The following PRUNE2 variants were observed in gnomAD, a reference collection of about 807,000 sequenced individuals.
The protein encoded by PRUNE2 is protein prune homolog 2.
A neutral mutation model predicts 252.0 loss-of-function variants in PRUNE2; 164 were observed. That is an observed-to-expected ratio of 0.65 (90% CI 0.57 to 0.74). The LOEUF (loss-of-function observed/expected upper bound fraction) is 0.74, where lower values mean the gene tolerates loss of function less well. PRUNE2 is among the 30% of genes least tolerant of loss of function. The probability of loss-of-function intolerance (pLI) is 0.00; values close to 1 mark genes in which losing one functional copy is unlikely to be tolerated. For synonymous variants in PRUNE2, 1,292 were observed against 1,350.2 expected (o/e 0.96, Z 0.94); for missense variants, 3,495 against 3,711.0 (o/e 0.94, Z 1.51).
intron 6 of PRUNE2, among the ~76,000 whole-genome samples, chr9:76,753,895 G>A (rs554065710): frequency 2.9e-4 from 43 of 149,116 alleles, no homozygotes; most frequent in African/African-American, 9.2e-4. Flanking sequence ...TCCAGCCTGG[G>A]TGACTGAGCA....
chr9:76,735,766 G>A (rs909503893), intron 6 of PRUNE2, among the ~76,000 whole-genome samples: 2 of 152,128 alleles, frequency 1.3e-5, no homozygotes, highest in African/African-American at 4.8e-5. Flanking sequence ...CTTAATTGAT[G>A]TTCACCAATT....
chr9:76,649,612 T>TAGATGATAGATA (rs1554795862), intron 11 of PRUNE2, among the ~76,000 whole-genome samples: 19 of 149,986 alleles, frequency 1.3e-4, no homozygotes, highest in African/African-American at 3.2e-4. Flanking sequence ...GATAGATAGA[T>TAGATGATAGATA]GATAGATAGA....
intron 1 of PRUNE2, among the ~76,000 whole-genome samples, chr9:76,882,090 G>A (rs2061824931): frequency 6.6e-6 from 1 of 151,650 alleles, no homozygotes; most frequent in South Asian, 2.1e-4. Context: ...TCTTTCAAGG[G>A]TAAATGTGAT....
intron 6 of PRUNE2, among the ~76,000 whole-genome samples, chr9:76,815,265 G>A (rs1589373127): frequency 6.6e-6 from 1 of 152,294 alleles, no homozygotes; most frequent in African/African-American, 2.4e-5. Context: ...ACTTCATGAT[G>A]GCTAAACCTT....
chr9:76,638,290 TG>T lies in PRUNE2; in HGVS notation c.8729-3del. On this transcript the variant is annotated splice_region_variant and splice_polypyrimidine_tract_variant and intron_variant, in intron 12 of 18. Transcript: ENST00000376718. ...CATTTAGACCGTCCCCATAGTATCC[TG>T]GGGGACAAACAAAAAGACACTTGTA... 6.2e-7 allele frequency: 1 copy of T among 1,604,318 alleles called. No individual in the cohort carries two copies. The highest frequency in any genetic ancestry group is 1.1e-5 in the South Asian group (1 of 90,862).
At chr9:76,891,543 T>C (rs1334488880) in intron 1 of PRUNE2, among the ~76,000 whole-genome samples, 3 of 152,172 alleles carry the variant, frequency 2.0e-5, no homozygotes, top group Admixed American at 6.5e-5. Flanking sequence ...TCAGAGTCCA[T>C]CACACGAAAC....
intron 6 of PRUNE2, among the ~76,000 whole-genome samples, chr9:76,771,001 C>T (rs114538609): frequency 3.0e-4 from 45 of 152,110 alleles, no homozygotes; most frequent in African/African-American, 1.1e-3. Context: ...TAAATTTTTG[C>T]TACAAATTAC....
chr9:76,706,594 G>T lies in PRUNE2; in HGVS notation c.5680C>A (p.Pro1894Thr). 6.2e-7 allele frequency: 1 copy of T among 1,613,948 alleles called. No individual in the cohort carries two copies. Among genetic ancestry groups the T allele is most frequent in the Middle Eastern group, 1.7e-4 (1 of 6,060 alleles). ...TTCTTCCCATTACCTTCCAGAAAGG[G>T]TGACTGATGGTTGTCACTAAAAGGA... ...TNPFSDNHQS[P>T]FLEGNGKNSH... is the part of the protein sequence containing the mutation. Residue 1894 changes from proline to threonine, a missense_variant, in exon 8 of 19, where the codon CCC becomes ACC. Transcript: ENST00000376718.
chr9:76,718,811 T>C (rs891138822), intron 6 of PRUNE2, among the ~76,000 whole-genome samples: 1 of 152,166 alleles, frequency 6.6e-6, no homozygotes, highest in African/African-American at 2.4e-5. Flanking sequence ...AAGTAAAATA[T>C]GGCCCACCGC....
chr9:76,794,812 C>T (rs1195889741), intron 6 of PRUNE2, among the ~76,000 whole-genome samples: 1 of 152,100 alleles, frequency 6.6e-6, no homozygotes, highest in Non-Finnish European at 1.5e-5. Flanking sequence ...AAGTAACTAC[C>T]TCATGGAGTG....
chr9:76,836,724 T>C (rs1013609942), intron 4 of PRUNE2, among the ~76,000 whole-genome samples: 2 of 152,182 alleles, frequency 1.3e-5, no homozygotes, highest in African/African-American at 4.8e-5. Flanking sequence ...AAGTGCAAAT[T>C]ATTTCTATTT....
At chr9:76,663,794 G>T (rs2039606532) in intron 9 of PRUNE2, among the ~76,000 whole-genome samples, 1 of 152,134 alleles carries the variant, frequency 6.6e-6, no homozygotes, top group Non-Finnish European at 1.5e-5. Context: ...CAGGCTATTT[G>T]CTAGCTTCTT....
intron 6 of PRUNE2, among the ~76,000 whole-genome samples, chr9:76,811,726 C>T (rs10781382): frequency 0.84 from 127,916 of 152,214 alleles, 54,288 homozygotes; most frequent in African/African-American, 0.96. Flanking sequence ...TCTGACAATA[C>T]GCCCATGCCC....
chr9:76,884,368 A>T (rs2133355858), intron 1 of PRUNE2, among the ~76,000 whole-genome samples: 1 of 152,334 alleles, frequency 6.6e-6, no homozygotes, highest in Non-Finnish European at 1.5e-5. Context: ...ACTGAGCGTC[A>T]TTGGCTAAGT....
At chr9:76,660,798 A>AAAAAAAAAG (rs1554669341) in intron 9 of PRUNE2, among the ~76,000 whole-genome samples, 5 of 141,072 alleles carry the variant, frequency 3.5e-5, no homozygotes, top group African/African-American at 7.8e-5. Context: ...AAAAAAAAAA[A>AAAAAAAAAG]AAAGAAAGAA....
chr9:76,885,272 G>A lies in PRUNE2; in HGVS notation c.36+20656C>T, dbSNP rs1190054757. 2.0e-5 allele frequency among the ~76,000 whole-genome samples: 3 copies of A among 152,334 alleles called. No homozygotes were observed. In the East Asian group the frequency reaches 5.8e-4, roughly 29 times the overall value. On this transcript the variant is annotated intron_variant, in intron 1 of 18. Coordinates refer to ENST00000376718, the MANE Select transcript of PRUNE2 (RefSeq NM_015225.3). ...GTGTGCTGAGAGGGACACCAAACTA[G>A]GCCATTCTTCCTTTCAATTTAGGGT...
chr9:76,665,371 C>T (rs1262324409), intron 9 of PRUNE2, among the ~76,000 whole-genome samples: 1 of 152,084 alleles, frequency 6.6e-6, no homozygotes, highest in Admixed American at 6.5e-5. Flanking sequence ...TCACCTCCAC[C>T]CCACAGAGTA....
intron 1 of PRUNE2, chr9:76,862,244 C>T (rs1156325903): frequency 6.6e-6 from 1 of 152,126 alleles, no homozygotes; most frequent in Non-Finnish European, 1.5e-5. Context: ...CATGGTGAAA[C>T]CCCATCTCTA....
chr9:76,779,661 A>T (rs2131163045), intron 6 of PRUNE2: 1 of 152,316 alleles, frequency 6.6e-6, no homozygotes, highest in East Asian at 1.9e-4. Flanking sequence ...GGTGCTCATA[A>T]ATTCTCCACT....
Sources: allele counts gnomAD v4.1 joint callset (sites outside exome capture counted in the v4.1 genomes callset), GRCh38; gene constraint gnomAD v4.1.1; transcripts MANE v1.5; gene names NCBI Gene and HGNC (gene_info 2026-07-23, HGNC 2026-07-21).